The following IDO2 variants were observed in gnomAD, a reference collection of about 807,000 sequenced individuals.
IDO2 encodes indoleamine 2,3-dioxygenase-like 1 protein.
IDO2 carries 46 observed loss-of-function variants against 45.1 expected under a neutral mutation model. The ratio of observed to expected loss-of-function variants is 1.02; its 90% confidence interval spans 0.80 to 1.30. IDO2 has a LOEUF of 1.30. IDO2 is among the 50% of genes most tolerant of loss of function. The pLI, the probability that IDO2 is intolerant of heterozygous loss-of-function variation, is 0.00. For missense variants in IDO2, 544 were observed against 491.8 expected (o/e 1.11, Z -1.00); for synonymous variants, 218 against 184.9 (o/e 1.18, Z -1.45).
chr8:39,980,678 C>G (rs1395246218), intron 4 of IDO2, among the ~76,000 whole-genome samples: 1 of 152,194 alleles, frequency 6.6e-6, no homozygotes, highest in East Asian at 1.9e-4. Context: ...CGGGGAAACA[C>G]AGGAGACTCA....
intron 2 of IDO2, among the ~76,000 whole-genome samples, chr8:39,954,015 A>G (rs1411429534): frequency 6.6e-6 from 1 of 152,228 alleles, no homozygotes; most frequent in East Asian, 1.9e-4. Flanking sequence ...TTTCAACTTA[A>G]TAACCCTTTC....
At chr8:39,988,135 G>C (rs1192930907) in intron 7 of IDO2, among the ~76,000 whole-genome samples, 165 bp downstream of exon 7, 4 of 152,134 alleles carry the variant, frequency 2.6e-5, no homozygotes, top group Non-Finnish European at 5.9e-5. Flanking sequence ...CACCATATTT[G>C]CTCCCTTTTC....
At chr8:39,955,170 A>G (rs1807872262) in intron 2 of IDO2, among the ~76,000 whole-genome samples, 1 of 149,680 alleles carries the variant, frequency 6.7e-6, no homozygotes, top group Non-Finnish European at 1.5e-5. Flanking sequence ...GCCAGGAAAA[A>G]ATATTCTGGC....
intron 5 of IDO2, 112 bp from the exon 6 acceptor site, chr8:39,985,396 A>G: frequency 1.1e-6 from 1 of 894,732 alleles, no homozygotes; most frequent in Non-Finnish European, 1.8e-6. Flanking sequence ...ACAAGTGTGC[A>G]TGCCTGTGGA....
chr8:39,949,032 A>T (rs1807777605), intron 1 of IDO2, 117 bp from the exon 2 acceptor site: 5 of 1,339,094 alleles, frequency 3.7e-6, no homozygotes, highest in Non-Finnish European at 5.0e-6. Flanking sequence ...ATTCAACCTC[A>T]GGGAAAAGTT....
At position 40,011,623 on chromosome 8, in the gene IDO2, G is replaced by A. The variant is rs150813917; in HGVS notation, c.720-1942G>A. ...GTTACACAGTAATGAAAGGGGAGCC[G>A]GGATTCCCACTCACTCTAAAGAATA... On this transcript the variant is annotated intron_variant, in intron 9 of 10. Coordinates refer to ENST00000502986, the Ensembl canonical transcript of IDO2. Among the ~76,000 whole-genome samples, 26 of 152,262 alleles carry A rather than the reference G, an allele frequency of 1.7e-4. No homozygotes were observed. The East Asian group carries it at 2.5e-3, about 15-fold the overall frequency.
intron 6 of IDO2, chr8:39,985,790 CA>C (rs1247144233): frequency 1.6e-5 from 6 of 364,268 alleles, no homozygotes; most frequent in Non-Finnish European, 3.0e-5. Context: ...GCAATGCAAA[CA>C]AAACAAAATG....
intron 2 of IDO2, among the ~76,000 whole-genome samples, chr8:39,951,315 G>A (rs1233663907): frequency 4.6e-5 from 6 of 129,072 alleles, no homozygotes; most frequent in East Asian, 2.6e-4. Flanking sequence ...TCTTTCTATC[G>A]CCCAGGCTGG....
chr8:40,012,532 C>T lies in IDO2; in HGVS notation c.720-1033C>T, dbSNP rs578066190. ...AAATGAGAAAATGAATGTGAAGATG[C>T]TTTATAAACTATACAGCATGGTAGG... On this transcript the variant is annotated intron_variant, in intron 9 of 10. Transcript: ENST00000502986. Among the ~76,000 whole-genome samples, 153 of 152,296 alleles carry T rather than the reference C, an allele frequency of 1.0e-3. 1 individual carries two copies. The highest frequency in any genetic ancestry group is 3.5e-3 in the African/African-American group (147 of 41,564).
In IDO2 at chr8:39,962,704, C is replaced by T. The variant is rs541028154; in HGVS notation, c.100-904C>T. Among the ~76,000 whole-genome samples, 75 of 152,282 alleles carry T rather than the reference C, an allele frequency of 4.9e-4. 1 individual carries two copies. In the South Asian group the frequency reaches 9.1e-3, roughly 19 times the overall value. ...TCACAATGGAGCACCAGGACTTTCA[C>T]ACACAAACTGAAAAGGCTAGGCTCC... On this transcript the variant is annotated intron_variant, in intron 2 of 10. Coordinates refer to ENST00000502986, the Ensembl canonical transcript of IDO2.
At chr8:39,963,104 C>T (rs749587979) in intron 2 of IDO2, among the ~76,000 whole-genome samples, 1 of 152,152 alleles carries the variant, frequency 6.6e-6, no homozygotes, top group East Asian at 1.9e-4. Context: ...ATCACTTTCT[C>T]TTGAGTTTTA....
intron 8 of IDO2, among the ~76,000 whole-genome samples, chr8:40,001,165 C>G (rs1366726267): frequency 1.3e-5 from 2 of 149,780 alleles, no homozygotes; most frequent in African/African-American, 4.9e-5. Flanking sequence ...TTAACAATCT[C>G]TTCTTTCTCT....
intron 8 of IDO2, among the ~76,000 whole-genome samples, chr8:39,991,141 C>A (rs1231366079): frequency 6.6e-6 from 1 of 152,182 alleles, no homozygotes; most frequent in African/African-American, 2.4e-5. Context: ...TTTGTCATCC[C>A]AGCCTCTCAG....
chr8:39,977,729 CCTCCTTCCAG>C (rs1216554672), intron 3 of IDO2, among the ~76,000 whole-genome samples: 2 of 152,198 alleles, frequency 1.3e-5, no homozygotes, highest in Non-Finnish European at 2.9e-5. Context: ...AACAGTACTC[CCTCCTTCCAG>C]CTGTGCCTCC....
At chr8:39,959,275 T>G (rs1807956036) in intron 2 of IDO2, among the ~76,000 whole-genome samples, 2 of 60,360 alleles carry the variant, frequency 3.3e-5, no homozygotes, top group South Asian at 8.5e-4. Flanking sequence ...GCTGGGCTAA[T>G]TTTTTCTATT....
chr8:39,969,414 ATG>A (rs1428602391), intron 3 of IDO2, among the ~76,000 whole-genome samples: 1 of 152,188 alleles, frequency 6.6e-6, no homozygotes, highest in Non-Finnish European at 1.5e-5. Context: ...TGATAAATGT[ATG>A]TGTTCTGACT....
intron 8 of IDO2, among the ~76,000 whole-genome samples, chr8:39,997,053 AT>A (rs1802056225): frequency 6.6e-6 from 1 of 152,246 alleles, no homozygotes; most frequent in African/African-American, 2.4e-5. Flanking sequence ...AAAAGAAATC[AT>A]TTTAATAAAT....
rs530531915 is a variant in IDO2 at position 40,013,638 on chromosome 8, G to A, written c.793G>A (p.Gly265Ser). 2.2e-5 allele frequency: 35 copies of A among 1,613,810 alleles called. No individual in the cohort carries two copies. In the East Asian group the frequency reaches 5.6e-4, roughly 26 times the overall value. Residue 265 changes from glycine (G) to serine (S), a missense_variant, in exon 10 of 11, where the codon GGC becomes AGC. Physicochemically the swap from Gly to Ser is moderately conservative, Grantham distance 56. Transcript: ENST00000502986. The stretch of plus-strand genomic sequence containing the variant: ...TTCCCAAGAGCCCCTGAAATACTCC[G>A]GCGGGAGTGCAGCTCAGAGCACAGT...
chr8:40,007,845 T>C (rs547361681), intron 9 of IDO2, among the ~76,000 whole-genome samples: 7 of 152,178 alleles, frequency 4.6e-5, no homozygotes, highest in Non-Finnish European at 8.8e-5. Context: ...AATTTATCTA[T>C]TGGGCTGGGC....
Sources: allele counts gnomAD v4.1 joint callset (sites outside exome capture counted in the v4.1 genomes callset), GRCh38; gene constraint gnomAD v4.1.1; transcripts MANE v1.5; gene names NCBI Gene and HGNC (gene_info 2026-07-23, HGNC 2026-07-21).